Variants in WNK1 observed in about 807,000 individuals in gnomAD.
WNK1 encodes the protein WNK lysine deficient protein kinase 1, also known as serine/threonine-protein kinase WNK1.
In WNK1, 38 loss-of-function variants were observed where a neutral mutation model predicts 222.8. That is an observed-to-expected ratio of 0.17 (90% confidence interval 0.13 to 0.22). The LOEUF is 0.22. Among genes scored for constraint, WNK1 ranks in the 10% least tolerant of loss-of-function variants. The pLI, the probability that WNK1 is intolerant of heterozygous loss-of-function variation, is 1.00. For missense variants in WNK1, 2,348 were observed against 2,918.4 expected, an observed-to-expected ratio of 0.80 and a Z score of 4.50; for synonymous variants, 1,090 against 1,092.9, an observed-to-expected ratio of 1.00 and a Z score of 0.05.
intron 1 of WNK1, among the ~76,000 whole-genome samples, chr12:779,639 T>C (rs1008022626): frequency 6.6e-6 from 1 of 152,122 alleles, no homozygotes; most frequent in Non-Finnish European, 1.5e-5. Context: ...TGACCTCAAG[T>C]GATCCACCTG....
At chr12:807,338 T>C in intron 1 of WNK1, among the ~76,000 whole-genome samples, 1 of 151,912 alleles carries the variant, frequency 6.6e-6, no homozygotes. Context: ...CCTCCCTCTT[T>C]TGCTTTTATT....
Position 884,266 on chromosome 12 carries a change from T to C in WNK1, c.3844+23T>C, listed in dbSNP as rs1432442554. 1.9e-6 allele frequency: 3 copies of C among 1,613,726 alleles called. No homozygotes were observed. Among genetic ancestry groups the C allele is most frequent in the East Asian group, 2.2e-5 (1 of 44,838 alleles). ...CAGGTAAGGGATTGATTCTGCCACA[T>C]TGTTATGTAAATTCTACAGTGCCTC... is the stretch of plus-strand genomic sequence containing the variant. On this transcript the variant is annotated intron_variant, in intron 18 of 27. Transcript: ENST00000315939. The surrounding 1 kb of genome is among the most constrained non-coding windows in gnomAD (Gnocchi z 5.6).
intron 1 of WNK1, among the ~76,000 whole-genome samples, chr12:757,672 C>G (rs1647991924): frequency 8.3e-6 from 1 of 120,298 alleles, no homozygotes; most frequent in South Asian, 2.9e-4. Context: ...TGGGCTCTAT[C>G]TGCAGAGTTT....
In WNK1 at chr12:883,569, G is replaced by GT. The variant is rs1268228813; in HGVS notation, c.3663+2dup. The GT allele has an allele frequency of 1.9e-6, 3 of 1,614,156 alleles. No homozygotes were observed. The Admixed American group carries it at 5.0e-5, about 27-fold the overall frequency. Reference sequence around the variant, plus strand: ...TGACTATGGCTTTTCAGGTTCTCAGGTAGGTTCACCACTCCCATAGTGAAA... The same window carrying GT: ...TGACTATGGCTTTTCAGGTTCTCAGGTTAGGTTCACCACTCCCATAGTGAAA... On this transcript the variant is annotated splice_donor_variant, in intron 16 of 27. Coordinates refer to ENST00000315939, the MANE Select transcript of WNK1 (RefSeq NM_018979.4). LOFTEE classifies it high-confidence loss of function.
chr12:908,651 A>G lies in WNK1; in HGVS notation c.7008A>G (p.Gln2336=), dbSNP rs369782445. ...TTCCAGCTACCCCATTTGGCGCTCA[A>G]TGGAGTGGGACGGGTGGCCCAGCAC... ...YGFPATPFGA[Q]WSGTGGPAPQ... is the part of the protein sequence containing the mutation. The change falls in exon 28 of 28, where the codon CAA becomes CAG. Residue 2336 remains glutamine (Q), a synonymous_variant. Coordinates refer to ENST00000315939, the MANE Select transcript of WNK1 (RefSeq NM_018979.4). 7.4e-6 allele frequency: 12 copies of G among 1,614,046 alleles called. No homozygotes were observed. The highest frequency in any genetic ancestry group is 2.7e-5 in the African/African-American group (2 of 74,912).
chr12:907,672 AT>A, intron 26 of WNK1, 174 bp from the exon 27 acceptor site: 5 of 796,446 alleles, frequency 6.3e-6, no homozygotes, highest in Non-Finnish European at 8.6e-6. Flanking sequence ...TCATCACCCT[AT>A]TATACCAAAA....
At chr12:818,772 G>A (rs909597232) in intron 2 of WNK1, among the ~76,000 whole-genome samples, 14 of 152,170 alleles carry the variant, frequency 9.2e-5, no homozygotes, top group Non-Finnish European at 2.1e-4. Context: ...TGGTGTTTTC[G>A]AGGATCATCG....
At chr12:829,834 A>G (rs1948657645) in intron 3 of WNK1, 169 bp from the exon 4 acceptor site, 1 of 669,834 alleles carries the variant, frequency 1.5e-6, no homozygotes, top group Non-Finnish European at 2.6e-6. Flanking sequence ...GAGATATTTG[A>G]TGGAACAGAC....
chr12:786,066 A>G (rs1944274627), intron 1 of WNK1, among the ~76,000 whole-genome samples: 1 of 152,164 alleles, frequency 6.6e-6, no homozygotes, highest in African/African-American at 2.4e-5. Flanking sequence ...CTTTTTATTT[A>G]TAGTCTAATG....
intron 1 of WNK1, among the ~76,000 whole-genome samples, chr12:811,033 A>G (rs1036561242): frequency 2.1e-4 from 32 of 152,288 alleles, no homozygotes; most frequent in African/African-American, 7.5e-4. Flanking sequence ...GCTTTAGTTT[A>G]TATTGAAGGT....
Position 754,039 on chromosome 12 carries a change from C to T in WNK1, c.474C>T (p.Ser158=), listed in dbSNP as rs931070850. The part of the protein sequence containing the change: ...VAGPAPSTVP[S]STSKDRPVSQ... Reference sequence around the variant, plus strand: ...GCCCTGCCCCCTCGACTGTCCCCAGCAGTACCAGCAAAGACCGCCCAGTGT... The same window carrying T: ...GCCCTGCCCCCTCGACTGTCCCCAGTAGTACCAGCAAAGACCGCCCAGTGT... Residue 158 remains serine (S), a synonymous_variant, in exon 1 of 28, where the codon AGC becomes AGT. Transcript: ENST00000315939. The T allele has an allele frequency of 1.8e-5, 28 of 1,594,174 alleles. No homozygotes were observed. Among genetic ancestry groups the T allele is most frequent in the Non-Finnish European group, 2.0e-5 (23 of 1,170,766 alleles).
At chr12:768,956 C>T (rs927721494) in intron 1 of WNK1, among the ~76,000 whole-genome samples, 2 of 151,410 alleles carry the variant, frequency 1.3e-5, no homozygotes, top group Admixed American at 1.3e-4. Context: ...ATTACAGGCA[C>T]GCACCACCAC....
intron 1 of WNK1, among the ~76,000 whole-genome samples, chr12:760,990 G>A (rs1940949733): frequency 7.2e-6 from 1 of 139,158 alleles, no homozygotes; most frequent in Non-Finnish European, 1.6e-5. Flanking sequence ...TCACCGTGTT[G>A]GACAGGCTGG....
rs770176317 is a variant in WNK1, at chr12:884,243, G to C, written c.3844G>C (p.Val1282Leu). Residue 1282 changes from valine to leucine, a missense_variant and splice_region_variant, in exon 18 of 28, where the codon GTT (valine) becomes CTT (leucine). Physicochemically the swap from Val to Leu is conservative, Grantham distance 32. Coordinates refer to ENST00000315939, the MANE Select transcript of WNK1 (RefSeq NM_018979.4). The surrounding 1 kb of genome is among the most constrained non-coding windows in gnomAD (Gnocchi z 5.6). ...TTTCCCCAGTGAAATAACAGATACA[G>C]GTAAGGGATTGATTCTGCCACATTG... ...KVFPSEITDTVAASTAQSPGM... is the reference protein window; with the variant it reads ...KVFPSEITDTLAASTAQSPGM... 5 of 1,613,908 alleles carry C rather than the reference G, an allele frequency of 3.1e-6. No homozygotes were observed. In the African/African-American group the frequency reaches 6.7e-5, roughly 22 times the overall value.
chr12:887,948 G>A (rs920967249), intron 20 of WNK1, among the ~76,000 whole-genome samples: 1 of 151,718 alleles, frequency 6.6e-6, no homozygotes, highest in Admixed American at 6.6e-5. Context: ...ACACAGTTCT[G>A]CTCACTTGAG....
At chr12:859,154 C>T (rs193164507) in intron 5 of WNK1, 91 bp from the exon 6 acceptor site, 55 of 1,128,040 alleles carry the variant, frequency 4.9e-5, no homozygotes, top group Middle Eastern at 4.0e-4. Context: ...TTTTCTTCTG[C>T]GAATAACAAT....
chr12:774,274 G>A (rs1449194463), intron 1 of WNK1, among the ~76,000 whole-genome samples: 1 of 152,172 alleles, frequency 6.6e-6, no homozygotes. Context: ...CCCAAGGAGG[G>A]TGAGTGTATT....
At position 762,449 on chromosome 12, in the gene WNK1, GT is replaced by G. The variant is rs1332971961; in HGVS notation, c.759+8131del. On this transcript the variant is annotated intron_variant, in intron 1 of 27. Transcript: ENST00000315939. ...ACTGTAGTGTTTTAAAATTCATGTT[GT>G]TTTTTATTATTGTGTTTTGTTATTG... Among the ~76,000 whole-genome samples the G allele has an allele frequency of 1.4e-5, 2 of 147,454 alleles. 1 individual carries two copies. The highest frequency in any genetic ancestry group is 4.9e-5 in the African/African-American group (2 of 41,024).
chr12:831,730 G>T (rs1948809659), intron 4 of WNK1, among the ~76,000 whole-genome samples: 1 of 151,392 alleles, frequency 6.6e-6, no homozygotes, highest in Admixed American at 6.6e-5. Context: ...ACTTTCTCAG[G>T]TTTACCATCT....
Sources: allele counts gnomAD v4.1 joint callset (sites outside exome capture counted in the v4.1 genomes callset), GRCh38; gene constraint gnomAD v4.1.1; non-coding constraint Gnocchi (gnomAD v3.1); transcripts MANE v1.5; gene names NCBI Gene and HGNC (gene_info 2026-07-23, HGNC 2026-07-21).